Variants in SP100 observed in about 807,000 individuals in gnomAD.
SP100 encodes SP100 nuclear body protein.
In SP100, 84 loss-of-function variants were observed where a neutral mutation model predicts 130.0. The ratio of observed to expected loss-of-function variants is 0.65; its 90% CI spans 0.54 to 0.77. SP100 has a LOEUF of 0.77. Ranked by LOEUF, SP100 falls within the 30% of genes least tolerant of loss-of-function variation. The pLI, the probability that SP100 is intolerant of heterozygous loss-of-function variation, is 0.00. For synonymous variants in SP100, 331 were observed against 351.7 expected (o/e 0.94, Z 0.66); for missense variants, 978 against 1,052.2 (o/e 0.93, Z 0.97).
chr2:230,452,260 C>T (rs1043575275), intron 8 of SP100, among the ~76,000 whole-genome samples: 1 of 152,006 alleles, frequency 6.6e-6, no homozygotes, highest in Non-Finnish European at 1.5e-5. Context: ...TCACTGCAAC[C>T]TCTACCTCAC....
rs138197550 is a variant in SP100, at chr2:230,478,221, A to G, written c.1600+3774A>G. Among the ~76,000 whole-genome samples, 853 of 152,312 alleles carry G rather than the reference A, an allele frequency of 5.6e-3. 8 individuals are homozygous for G. The highest frequency in any genetic ancestry group is 0.019 in the African/African-American group (808 of 41,560). On this transcript the variant is annotated intron_variant, in intron 17 of 28. Coordinates refer to ENST00000340126, the MANE Select transcript of SP100 (RefSeq NM_001080391.2). ...TCAATTTATTACCTACTTGCATATG[A>G]GAGAATCAGAATGCCACTTAGTTAA...
At chr2:230,455,220 TCTGA>T (rs1237182283) in intron 8 of SP100, among the ~76,000 whole-genome samples, 1 of 151,920 alleles carries the variant, frequency 6.6e-6, no homozygotes, top group African/African-American at 2.4e-5. Context: ...TACCATCACA[TCTGA>T]CTAATTTTTT....
intron 24 of SP100, among the ~76,000 whole-genome samples, chr2:230,514,196 A>G (rs1690773233): frequency 1.3e-5 from 2 of 152,208 alleles, no homozygotes; most frequent in Non-Finnish European, 2.9e-5. Context: ...CAAATGAACA[A>G]GTCATCAATT....
chr2:230,467,688 C>T (rs2065032685), intron 13 of SP100, among the ~76,000 whole-genome samples: 1 of 152,178 alleles, frequency 6.6e-6, no homozygotes, highest in Non-Finnish European at 1.5e-5. Context: ...AGATCTCTCC[C>T]CATGATTCAA....
intron 24 of SP100, among the ~76,000 whole-genome samples, chr2:230,526,097 C>T (rs1691412581): frequency 6.6e-6 from 1 of 152,204 alleles, no homozygotes; most frequent in Non-Finnish European, 1.5e-5. Context: ...GGACAGACTG[C>T]CTCCTCAAGC....
At position 230,466,995 on chromosome 2, in the gene SP100, C is replaced by T. The variant is rs557994500; in HGVS notation, c.1196-125C>T. The T allele has an allele frequency of 7.4e-6, 5 of 675,958 alleles. No homozygotes were observed. In the Admixed American group the frequency reaches 8.3e-5, roughly 11 times the overall value. 41.9% of individuals were successfully genotyped at this position (675,958 alleles called of 1,614,324 possible). The stretch of plus-strand genomic sequence containing the variant: ...AGATCATGGAGGTTTGAGGCACGGA[C>T]ATTCTTGCCCTGAAGTTTCAGAGCA... On this transcript the variant is annotated intron_variant, in intron 12 of 28. Coordinates refer to ENST00000340126, the MANE Select transcript of SP100 (RefSeq NM_001080391.2).
intron 2 of SP100, among the ~76,000 whole-genome samples, chr2:230,422,084 T>G (rs556285804): frequency 3.9e-5 from 6 of 152,286 alleles, no homozygotes; most frequent in Middle Eastern, 6.8e-3. Context: ...TGACATTTTC[T>G]GAGGAACTTC....
At chr2:230,419,612 A>C (rs1473469289) in intron 2 of SP100, among the ~76,000 whole-genome samples, 2 of 152,260 alleles carry the variant, frequency 1.3e-5, no homozygotes, top group Admixed American at 6.5e-5. Context: ...TAATATCTAC[A>C]GTATGATGTT....
At chr2:230,515,298 C>T (rs375879131) in intron 24 of SP100, 4 of 1,612,200 alleles carry the variant, frequency 2.5e-6, no homozygotes, top group Middle Eastern at 1.7e-4. Flanking sequence ...TCAAGGATCC[C>T]AATGCACCCA....
intron 24 of SP100, among the ~76,000 whole-genome samples, chr2:230,519,522 C>T (rs985858690): frequency 6.6e-6 from 1 of 152,188 alleles, no homozygotes; most frequent in Middle Eastern, 3.4e-3. Context: ...AAATCTCTAC[C>T]TAAGAGACAG....
intron 14 of SP100, chr2:230,469,395 A>G: frequency 2.0e-6 from 1 of 504,984 alleles, no homozygotes; most frequent in Non-Finnish European, 3.9e-6. Flanking sequence ...GGGCTCTGAC[A>G]TCTTTAAGAT....
chr2:230,472,427 C>CAAAAAAAAAAAAAAAAAA (rs201703163), intron 15 of SP100, among the ~76,000 whole-genome samples: 2 of 61,320 alleles, frequency 3.3e-5, no homozygotes, highest in East Asian at 7.8e-4. Flanking sequence ...GACTCCGTCT[C>CAAAAAAAAAAAAAAAAAA]AAAAAAAAAA....
chr2:230,523,827 T>G (rs1403025783), intron 24 of SP100, among the ~76,000 whole-genome samples: 3 of 151,974 alleles, frequency 2.0e-5, no homozygotes, highest in Admixed American at 6.6e-5. Flanking sequence ...AAGAATCGCT[T>G]GAATCTGGGA....
rs535538101 is a variant in SP100 at position 230,539,685 on chromosome 2, ATACACTGCCTGCTGGTTTAAAGAG to A, written c.2210+309_2210+332del. Among the ~76,000 whole-genome samples the A allele has an allele frequency of 4.5e-3, 689 of 152,228 alleles. 3 individuals are homozygous for A. Among genetic ancestry groups the A allele is most frequent in the African/African-American group, 0.016 (669 of 41,540 alleles). The stretch of plus-strand genomic sequence containing the variant: ...TGCTCTCTAATGGGGTGATGCCATC[ATACACTGCCTGCTGGTTTAAAGAG>A]TACACCACCTGCTGTGGGACCATCA... On this transcript the variant is annotated intron_variant, in intron 25 of 28. Transcript: ENST00000340126.
intron 20 of SP100, among the ~76,000 whole-genome samples, chr2:230,503,739 A>G (rs2067168595): frequency 6.6e-6 from 1 of 152,234 alleles, no homozygotes; most frequent in East Asian, 1.9e-4. Flanking sequence ...AGAGGGAGAC[A>G]GATGCCACCC....
At chr2:230,428,552 C>G (rs1374946814) in intron 2 of SP100, among the ~76,000 whole-genome samples, 1 of 152,198 alleles carries the variant, frequency 6.6e-6, no homozygotes, top group East Asian at 1.9e-4. Context: ...ATGCCATTCT[C>G]CTGCCTCAGC....
chr2:230,460,599 T>TCCTTCGTGATCATTCAAAACCCAC lies in SP100; in HGVS notation c.821-663_821-662insCCTTCGTGATCATTCAAAACCCAC, dbSNP rs1575654507. Among the ~76,000 whole-genome samples the TCCTTCGTGATCATTCAAAACCCAC allele has an allele frequency of 4.7e-3, 22 of 4,688 alleles. 2 individuals are homozygous for TCCTTCGTGATCATTCAAAACCCAC. The highest frequency in any genetic ancestry group is 9.7e-3 in the Non-Finnish European group (14 of 1,444). 3.1% of individuals were successfully genotyped at this position (4,688 alleles called of 152,430 possible). A position where few individuals can be genotyped will look rare whatever the true frequency, so the allele number is the denominator to read the frequency against. ...GGTATTGGTAATCTGTTTCTTTTTT[T>TCCTTCGTGATCATTCAAAACCCAC]TTTTTTTTTTTTTTTTTTTTTTTTT... On this transcript the variant is annotated intron_variant, in intron 8 of 28. Transcript: ENST00000340126.
intron 17 of SP100, among the ~76,000 whole-genome samples, chr2:230,481,099 T>G (rs1575705418): frequency 1.3e-5 from 2 of 151,994 alleles, no homozygotes. Flanking sequence ...CGTATTGGAG[T>G]GCCCCACGGA....
intron 24 of SP100, among the ~76,000 whole-genome samples, chr2:230,512,241 T>C (rs1180800712): frequency 6.6e-6 from 1 of 150,424 alleles, no homozygotes; most frequent in East Asian, 1.9e-4. Context: ...CCAACAAAGT[T>C]GGGAGTATTG....
Sources: gnomAD v4.1 joint callset for allele counts (sites outside exome capture counted in the v4.1 genomes callset) on GRCh38, gnomAD v4.1.1 for gene constraint, MANE v1.5 for transcripts, NCBI Gene and HGNC (gene_info 2026-07-23, HGNC 2026-07-21) for gene names.